CUX1: variants seen among roughly 807,000 people sequenced by gnomAD.
CUX1 encodes cut like homeobox 1.
A neutral mutation model predicts 158.8 loss-of-function variants in CUX1; 31 were observed. That is an observed-to-expected ratio of 0.20 (90% CI 0.15 to 0.26). The LOEUF is 0.26. Among genes scored for constraint, CUX1 ranks in the 10% least tolerant of loss-of-function variants. The pLI is 1.00. For synonymous variants in CUX1, 879 were observed against 862.1 expected (o/e 1.02, Z -0.34); for missense variants, 1,589 against 2,014.6 (o/e 0.79, Z 4.04).
At chr7:101,994,926 CA>C (rs796784920) in intron 2 of CUX1, among the ~76,000 whole-genome samples, 349 of 47,652 alleles carry the variant, frequency 7.3e-3, no homozygotes, top group Middle Eastern at 0.016. Flanking sequence ...CTCATCTCTA[CA>C]AAAAAAAAAA....
intron 2 of CUX1, among the ~76,000 whole-genome samples, chr7:102,000,953 AT>A (rs1304478829): frequency 6.6e-6 from 1 of 151,910 alleles, no homozygotes; most frequent in Non-Finnish European, 1.5e-5. Context: ...GTTTATTTGT[AT>A]TTTTGTAGAG....
intron 20 of CUX1, among the ~76,000 whole-genome samples, chr7:102,222,809 A>ATTTTTTTTTTTTT (rs1554527459): frequency 4.7e-4 from 11 of 23,262 alleles, no homozygotes; most frequent in South Asian, 1.8e-3. Flanking sequence ...GGGGCACCGT[A>ATTTTTTTTTTTTT]TCTTTTTTTT....
chr7:102,043,069 G>A (rs1479736271), intron 3 of CUX1, among the ~76,000 whole-genome samples: 1 of 151,992 alleles, frequency 6.6e-6, no homozygotes, highest in Non-Finnish European at 1.5e-5. Context: ...TCAAGCCTCA[G>A]CCTCCTGATT....
chr7:102,043,608 CAT>C (rs540851261), intron 3 of CUX1, among the ~76,000 whole-genome samples: 12 of 152,162 alleles, frequency 7.9e-5, no homozygotes, highest in East Asian at 1.9e-4. Flanking sequence ...TAGAAAATCA[CAT>C]GTTTATTACC....
Position 102,252,184 on chromosome 7 carries a change from A to G in CUX1, c.*3142A>G. The stretch of plus-strand genomic sequence containing the variant: ...TTGATGTGAAGCTAGCACTGTCTGT[A>G]ATACTTCTAAGAGCTGCCACTAAAA... On this transcript the variant is annotated 3_prime_UTR_variant, in exon 24 of 24. Transcript: ENST00000292535. The G allele has an allele frequency of 2.0e-6, 2 of 985,420 alleles. No individual in the cohort carries two copies. The highest frequency in any genetic ancestry group is 2.4e-6 in the Non-Finnish European group (2 of 829,926). The allele number at this position is 985,420 out of a possible 1,614,324, so 61.0% of individuals were successfully genotyped here. A position where few individuals can be genotyped will look rare whatever the true frequency, so the allele number is the denominator to read the frequency against.
At chr7:102,039,963 C>A (rs1821882948) in intron 3 of CUX1, among the ~76,000 whole-genome samples, 1 of 152,050 alleles carries the variant, frequency 6.6e-6, no homozygotes, top group Non-Finnish European at 1.5e-5. Flanking sequence ...CCCTTACATG[C>A]AGCGCGCTGG....
chr7:102,080,094 G>T (rs1472687156), intron 4 of CUX1, among the ~76,000 whole-genome samples: 2 of 152,202 alleles, frequency 1.3e-5, no homozygotes, highest in African/African-American at 4.8e-5. Context: ...GACAAGATGG[G>T]CGTTAGGCCT....
At chr7:102,184,307 A>G (rs1586099428) in intron 11 of CUX1, among the ~76,000 whole-genome samples, 1 of 152,364 alleles carries the variant, frequency 6.6e-6, no homozygotes, top group East Asian at 1.9e-4. Flanking sequence ...AAGAGCTTCA[A>G]ATAGACAATT....
At position 102,256,270 on chromosome 7, in the gene CUX1, C is replaced by T. The variant is rs1789885483; in HGVS notation, c.*7228C>T. The T allele has an allele frequency of 1.0e-6, 1 of 985,294 alleles. No homozygotes were observed. The highest frequency in any genetic ancestry group is 1.2e-6 in the Non-Finnish European group (1 of 829,940). 61.0% of individuals were successfully genotyped at this position (985,294 alleles called of 1,614,324 possible). A position where few individuals can be genotyped will look rare whatever the true frequency, so the allele number is the denominator to read the frequency against. The stretch of plus-strand genomic sequence containing the variant: ...TTGAAATGGACTGACTGCTACTGAC[C>T]TGCCGGCGTGCGTGAGGGTGATTAT... On this transcript the variant is annotated 3_prime_UTR_variant, in exon 24 of 24. Transcript: ENST00000292535.
intron 2 of CUX1, among the ~76,000 whole-genome samples, chr7:102,012,831 G>A (rs1818186720): frequency 6.6e-6 from 1 of 152,094 alleles, no homozygotes. Flanking sequence ...AGCCGGTCAT[G>A]GAATTTCCCA....
chr7:102,239,284 G>A (rs782606719), intron 22 of CUX1, 36 bp from the exon 23 acceptor site: 2 of 1,576,552 alleles, frequency 1.3e-6, no homozygotes, highest in Admixed American at 1.8e-5. Context: ...TGTCCCAGCT[G>A]GGCCTGACCT....
At chr7:101,978,166 A>C (rs1208027011) in intron 2 of CUX1, among the ~76,000 whole-genome samples, 1 of 152,144 alleles carries the variant, frequency 6.6e-6, no homozygotes, top group Non-Finnish European at 1.5e-5. Context: ...TACCATCCAC[A>C]GAAGGATGGC....
At chr7:101,844,323 G>A (rs1172602825) in intron 1 of CUX1, among the ~76,000 whole-genome samples, 1 of 151,984 alleles carries the variant, frequency 6.6e-6, no homozygotes, top group East Asian at 1.9e-4. Flanking sequence ...TATTTTAAAT[G>A]ATAGTGCATT....
chr7:102,079,551 T>G (rs1249579731), intron 4 of CUX1, among the ~76,000 whole-genome samples: 1 of 152,142 alleles, frequency 6.6e-6, no homozygotes, highest in Non-Finnish European at 1.5e-5. Flanking sequence ...GATAGAAATG[T>G]GGCCATTGCA....
intron 1 of CUX1, among the ~76,000 whole-genome samples, chr7:101,857,654 A>AC (rs1488010887): frequency 6.6e-6 from 1 of 151,958 alleles, no homozygotes; most frequent in Non-Finnish European, 1.5e-5. Flanking sequence ...GGGTCGGATG[A>AC]CCCCCTTTGC....
chr7:101,938,445 T>A (rs1439969082), intron 2 of CUX1, among the ~76,000 whole-genome samples: 1 of 152,228 alleles, frequency 6.6e-6, no homozygotes, highest in Non-Finnish European at 1.5e-5. Flanking sequence ...TGGTTACATT[T>A]CATCCTCATC....
At chr7:101,934,304 T>C (rs1013592332) in intron 2 of CUX1, among the ~76,000 whole-genome samples, 38 of 152,246 alleles carry the variant, frequency 2.5e-4, no homozygotes, top group Admixed American at 1.3e-4. Flanking sequence ...ATTTTAGAGA[T>C]AGCATAGTCG....
chr7:101,922,516 C>T (rs1255909185), intron 2 of CUX1, among the ~76,000 whole-genome samples: 1 of 152,178 alleles, frequency 6.6e-6, no homozygotes, highest in East Asian at 1.9e-4. Context: ...TGGGGGGCTC[C>T]CAGACACTCA....
At chr7:102,243,489 C>A (rs1463264744) in intron 23 of CUX1, among the ~76,000 whole-genome samples, 1 of 151,674 alleles carries the variant, frequency 6.6e-6, no homozygotes, top group Admixed American at 6.6e-5. Flanking sequence ...ATTTTATAAG[C>A]AACGAAACAG....
Sources: gnomAD v4.1 joint callset for allele counts (sites outside exome capture counted in the v4.1 genomes callset) on GRCh38, gnomAD v4.1.1 for gene constraint, MANE v1.5 for transcripts, NCBI Gene and HGNC (gene_info 2026-07-23, HGNC 2026-07-21) for gene names.